BRD10: variants seen among roughly 807,000 people sequenced by gnomAD.
BRD10 encodes bromodomain containing 10.
the BRD10 span, among the ~76,000 whole-genome samples, chr9:5,946,788 A>G: frequency 6.6e-6 from 1 of 152,136 alleles, no homozygotes; most frequent in East Asian, 1.9e-4. Flanking sequence ...TGCAGTTTGT[A>G]GAAATTTACA....
chr9:5,968,415 T>A, the BRD10 span: 25 of 1,612,824 alleles, frequency 1.6e-5, no homozygotes, highest in Non-Finnish European at 2.1e-5. Context: ...TCACCTGGAC[T>A]AAGAGGCTCT....
chr9:5,990,133 A>C, the BRD10 span, among the ~76,000 whole-genome samples: 1 of 152,224 alleles, frequency 6.6e-6, no homozygotes, highest in South Asian at 2.1e-4. Flanking sequence ...TTAGGCTGTG[A>C]TCCTTCAGTA....
At chr9:5,996,652 A>G in the BRD10 span, among the ~76,000 whole-genome samples, 1 of 152,284 alleles carries the variant, frequency 6.6e-6, no homozygotes, top group African/African-American at 2.4e-5. Flanking sequence ...TTTTTAAAAA[A>G]TCGTTTTGCT....
At chr9:5,969,401 G>C in the BRD10 span, 2 of 1,581,918 alleles carry the variant, frequency 1.3e-6, no homozygotes, top group Admixed American at 1.9e-5. Flanking sequence ...CTTTTGACTA[G>C]CTTCTTCTGC....
chr9:5,990,239 T>C, the BRD10 span, among the ~76,000 whole-genome samples: 1 of 152,230 alleles, frequency 6.6e-6, no homozygotes, highest in Non-Finnish European at 1.5e-5. Flanking sequence ...AGATACTGAA[T>C]GGGTGTACTT....
the BRD10 span, among the ~76,000 whole-genome samples, chr9:5,880,812 C>G: frequency 4.6e-5 from 7 of 151,726 alleles, no homozygotes; most frequent in Non-Finnish European, 1.0e-4. Context: ...TCAAGCAATT[C>G]TCCTGCGTCA....
chr9:5,911,147 GCTTT>G, the BRD10 span, among the ~76,000 whole-genome samples: 1 of 152,272 alleles, frequency 6.6e-6, no homozygotes, highest in African/African-American at 2.4e-5. Flanking sequence ...TTTCTCCAAC[GCTTT>G]CTTTTAGCAG....
the BRD10 span, among the ~76,000 whole-genome samples, chr9:5,928,474 T>C: frequency 6.6e-6 from 1 of 152,228 alleles, no homozygotes; most frequent in Admixed American, 6.5e-5. Context: ...ATCTACATGA[T>C]CTGGCTTCCT....
the BRD10 span, chr9:5,923,129 C>G: frequency 7.4e-6 from 12 of 1,613,876 alleles, no homozygotes; most frequent in African/African-American, 2.7e-5. Flanking sequence ...CTCATTTGTG[C>G]TTAACTTTGC....
the BRD10 span, among the ~76,000 whole-genome samples, chr9:5,903,367 G>A: frequency 1.3e-5 from 2 of 152,138 alleles, no homozygotes; most frequent in Non-Finnish European, 2.9e-5. Flanking sequence ...GTTCCACTCT[G>A]TCACAGTATA....
At chr9:5,967,981 T>C in the BRD10 span, 8 of 1,266,052 alleles carry the variant, frequency 6.3e-6, no homozygotes, top group South Asian at 6.0e-5. Flanking sequence ...ATTTGAATTA[T>C]ACTTAAATAT....
the BRD10 span, among the ~76,000 whole-genome samples, chr9:6,000,150 G>A: frequency 1.3e-5 from 2 of 151,948 alleles, no homozygotes; most frequent in Non-Finnish European, 2.9e-5. Flanking sequence ...ACATTTTCTT[G>A]GTTTTCCTGA....
At chr9:6,006,018 T>G in the BRD10 span, among the ~76,000 whole-genome samples, 1 of 152,226 alleles carries the variant, frequency 6.6e-6, no homozygotes, top group Non-Finnish European at 1.5e-5. Flanking sequence ...AAAGGTTACT[T>G]TTAAATTACA....
chr9:5,989,316 T>C, the BRD10 span, among the ~76,000 whole-genome samples: 3 of 140,750 alleles, frequency 2.1e-5, no homozygotes, highest in Non-Finnish European at 4.5e-5. Flanking sequence ...ATTATTAATA[T>C]ATTAATACTT....
At chr9:6,008,006 AGAG>A in the BRD10 span, 2 of 1,260,398 alleles carry the variant, frequency 1.6e-6, no homozygotes, top group Non-Finnish European at 2.0e-6. Context: ...GGGGGAGAGA[AGAG>A]GAGAGCCTAG....
At chr9:6,006,972 G>C in the BRD10 span, among the ~76,000 whole-genome samples, 8 of 152,196 alleles carry the variant, frequency 5.3e-5, no homozygotes, top group Admixed American at 2.6e-4. Flanking sequence ...CAGCGCTGCA[G>C]ACTCGGGTTT....
chr9:6,005,068 G>C, the BRD10 span, among the ~76,000 whole-genome samples: 5 of 152,284 alleles, frequency 3.3e-5, no homozygotes, highest in East Asian at 9.6e-4. Context: ...AAACTACAAT[G>C]TTGTAAGTTT....
At chr9:5,887,566 G>A in the BRD10 span, among the ~76,000 whole-genome samples, 1 of 152,194 alleles carries the variant, frequency 6.6e-6, no homozygotes, top group Non-Finnish European at 1.5e-5. Flanking sequence ...CCAGCTCAGT[G>A]CAATGGACTT....
chr9:5,932,628 G>A, the BRD10 span, among the ~76,000 whole-genome samples: 1 of 152,098 alleles, frequency 6.6e-6, no homozygotes, highest in African/African-American at 2.4e-5. Context: ...TAAGGCACTC[G>A]AACATACATG....
Sources: allele counts gnomAD v4.1 joint callset (sites outside exome capture counted in the v4.1 genomes callset), GRCh38; gene constraint gnomAD v4.1.1; transcripts MANE v1.5; gene names NCBI Gene and HGNC (gene_info 2026-07-23, HGNC 2026-07-21).